Variants in WLS observed in about 807,000 individuals in gnomAD.
WLS encodes the protein protein wntless homolog.
A neutral mutation model predicts 62.8 loss-of-function variants in WLS; 23 were observed. That is an observed-to-expected ratio of 0.37 (90% CI 0.26 to 0.52). WLS has a LOEUF of 0.52. Ranked by LOEUF, WLS falls within the 20% of genes least tolerant of loss-of-function variation. The probability of loss-of-function intolerance (pLI) is 0.92; values close to 1 mark genes in which losing one functional copy is unlikely to be tolerated. For synonymous variants in WLS, 246 were observed against 244.1 expected (o/e 1.01, Z -0.07); for missense variants, 615 against 697.3 (o/e 0.88, Z 1.33).
intron 2 of WLS, among the ~76,000 whole-genome samples, chr1:68,165,312 A>AG (rs1647045042): frequency 6.6e-6 from 1 of 152,094 alleles, no homozygotes; most frequent in African/African-American, 2.4e-5. Context: ...ACACTTTTAA[A>AG]GGGTCCCACT....
At chr1:68,181,633 T>G (rs1033036944) in intron 2 of WLS, among the ~76,000 whole-genome samples, 25 of 152,180 alleles carry the variant, frequency 1.6e-4, no homozygotes, top group African/African-American at 6.0e-4. Context: ...TATGGGGTGG[T>G]GCACGTGTTG....
intron 1 of WLS, among the ~76,000 whole-genome samples, chr1:68,224,468 C>T (rs1209521695): frequency 6.6e-6 from 1 of 152,204 alleles, no homozygotes; most frequent in Admixed American, 6.5e-5. Flanking sequence ...TCAGGACCTA[C>T]GATGTATGCT....
chr1:68,227,615 A>G (rs1650218194), intron 1 of WLS, among the ~76,000 whole-genome samples: 1 of 152,154 alleles, frequency 6.6e-6, no homozygotes, highest in South Asian at 2.1e-4. Flanking sequence ...ATAAGGTTGC[A>G]CAGTACTCCT....
chr1:68,178,017 T>G (rs1647334426), intron 2 of WLS, among the ~76,000 whole-genome samples: 1 of 152,242 alleles, frequency 6.6e-6, no homozygotes, highest in Non-Finnish European at 1.5e-5. Flanking sequence ...AATTTATGAT[T>G]CAGCCCAAAC....
chr1:68,125,164 C>T (rs1449893581), downstream of WLS, among the ~76,000 whole-genome samples: 5 of 152,206 alleles, frequency 3.3e-5, no homozygotes, highest in East Asian at 1.9e-4. Context: ...TTTGTTGTCA[C>T]GCATATGAGC....
chr1:68,192,767 T>A (rs1648389161), intron 2 of WLS, among the ~76,000 whole-genome samples: 1 of 107,828 alleles, frequency 9.3e-6, no homozygotes, highest in Non-Finnish European at 1.8e-5. Context: ...ACTCTGTCTC[T>A]TAAAAAAAAA....
At chr1:68,200,464 C>A (rs113527913) in intron 1 of WLS, among the ~76,000 whole-genome samples, 1 of 113,424 alleles carries the variant, frequency 8.8e-6, no homozygotes, top group South Asian at 2.9e-4. Context: ...CTGATTTCAA[C>A]GGATAGAATT....
downstream of WLS, among the ~76,000 whole-genome samples, chr1:68,123,178 C>G (rs1423471480): frequency 6.6e-6 from 1 of 152,178 alleles, no homozygotes; most frequent in Non-Finnish European, 1.5e-5. Context: ...CACAATTGCC[C>G]ACTGACTCTG....
At chr1:68,109,909 G>A (rs1028812752) in intron 11 of WLS, among the ~76,000 whole-genome samples, 4 of 148,244 alleles carry the variant, frequency 2.7e-5, no homozygotes, top group Admixed American at 6.9e-5. Context: ...ATGAAGAATT[G>A]ATAACAATGT....
chr1:68,122,212 CAT>C (rs1420017006), downstream of WLS, among the ~76,000 whole-genome samples: 1 of 152,290 alleles, frequency 6.6e-6, no homozygotes, highest in Admixed American at 6.5e-5. Flanking sequence ...TGGCCACTAC[CAT>C]GTGAACACTG....
intron 1 of WLS, among the ~76,000 whole-genome samples, chr1:68,225,204 G>A (rs1557530800): frequency 6.6e-6 from 1 of 152,092 alleles, no homozygotes; most frequent in Non-Finnish European, 1.5e-5. Context: ...GTGGTAGTAA[G>A]AGGCTATAGA....
At chr1:68,118,538 A>G (rs1646323228) in intron 11 of WLS, among the ~76,000 whole-genome samples, 1 of 152,040 alleles carries the variant, frequency 6.6e-6, no homozygotes, top group Non-Finnish European at 1.5e-5. Context: ...ATACTTCACA[A>G]TGATAGGGAT....
chr1:68,205,954 G>T (rs1649264003), intron 1 of WLS, among the ~76,000 whole-genome samples: 1 of 152,164 alleles, frequency 6.6e-6, no homozygotes, highest in South Asian at 2.1e-4. Flanking sequence ...GGTGTTGAAG[G>T]AACAGTGGAG....
intron 11 of WLS, among the ~76,000 whole-genome samples, chr1:68,118,713 A>G (rs975274611): frequency 5.9e-5 from 9 of 151,754 alleles, no homozygotes; most frequent in Non-Finnish European, 1.2e-4. Flanking sequence ...ATCTCTACTA[A>G]AAATACAAAA....
chr1:68,153,412 C>A, intron 5 of WLS, 105 bp downstream of exon 5: 1 of 1,501,096 alleles, frequency 6.7e-7, no homozygotes, highest in East Asian at 2.3e-5. Flanking sequence ...AATCACTGGC[C>A]TAAGTCACAC....
At position 68,125,862 on chromosome 1, in the gene WLS, A is replaced by G; in HGVS notation, c.*364T>C. On this transcript the variant is annotated 3_prime_UTR_variant, in exon 12 of 12. Transcript: ENST00000262348. ...GAATTTAAAACAGGAAAAATGTCAA[A>G]TATTCCACTCCCCATTCGGCCCAAA... 1 of 1,030,592 alleles carries G rather than the reference A, an allele frequency of 9.7e-7. No individual in the cohort carries two copies. Among genetic ancestry groups the G allele is most frequent in the Non-Finnish European group, 1.2e-6 (1 of 858,662 alleles). 63.8% of individuals were successfully genotyped at this position (1,030,592 alleles called of 1,614,324 possible).
At chr1:68,231,148 T>A (rs1650396757) in intron 1 of WLS, among the ~76,000 whole-genome samples, 1 of 151,900 alleles carries the variant, frequency 6.6e-6, no homozygotes, top group African/African-American at 2.4e-5. Flanking sequence ...GGCGCGAGTG[T>A]GCAGAGAGGC....
chr1:68,225,480 G>T (rs569838580), intron 1 of WLS, among the ~76,000 whole-genome samples: 1 of 152,214 alleles, frequency 6.6e-6, no homozygotes, highest in East Asian at 1.9e-4. Flanking sequence ...TGAAATAGTC[G>T]TGATCATTTC....
At chr1:68,187,234 G>C (rs1315673654) in intron 2 of WLS, among the ~76,000 whole-genome samples, 4 of 133,552 alleles carry the variant, frequency 3.0e-5, no homozygotes, top group African/African-American at 8.5e-5. Context: ...ATGTGTTGCT[G>C]CTACTCATGA....
Sources: gnomAD v4.1 joint callset for allele counts (sites outside exome capture counted in the v4.1 genomes callset) on GRCh38, gnomAD v4.1.1 for gene constraint, MANE v1.5 for transcripts, NCBI Gene and HGNC (gene_info 2026-07-23, HGNC 2026-07-21) for gene names.